Variants in HMGXB3 observed in about 807,000 individuals in gnomAD.
HMGXB3 encodes the protein HMG-box containing 3.
In HMGXB3, 45 loss-of-function variants were observed where a neutral mutation model predicts 121.5. The ratio of observed to expected loss-of-function variants is 0.37; its 90% CI spans 0.29 to 0.47. The LOEUF is 0.47. HMGXB3 is among the 20% of genes least tolerant of loss of function. The probability of loss-of-function intolerance (pLI) is 0.99; values close to 1 mark genes in which losing one functional copy is unlikely to be tolerated. For synonymous variants in HMGXB3, 590 were observed against 624.1 expected, an observed-to-expected ratio of 0.95 and a Z score of 0.81; for missense variants, 1,376 against 1,602.2, an observed-to-expected ratio of 0.86 and a Z score of 2.41.
chr5:150,010,416 C>T lies in HMGXB3; in HGVS notation c.618C>T (p.Thr206=). The change falls in exon 4 of 20, where the codon ACC becomes ACT. Residue 206 remains threonine (T), a synonymous_variant. Transcript: ENST00000502717. The part of the protein sequence containing the change: ...TQSGAVQEIA[T]SEILSQDVLL... ...CAGGTGCTGTACAGGAGATTGCCAC[C>T]TCAGAGATCCTCAGCCAGGATGTGC... 6.4e-7 allele frequency: 1 copy of T among 1,551,670 alleles called. No homozygotes were observed. Among genetic ancestry groups the T allele is most frequent in the South Asian group, 1.2e-5 (1 of 84,058 alleles).
intron 14 of HMGXB3, 29 bp from the exon 15 acceptor site, chr5:150,041,756 C>T: frequency 6.5e-7 from 1 of 1,535,018 alleles, no homozygotes; most frequent in Non-Finnish European, 8.8e-7. Context: ...TTTTCTGTGC[C>T]CTTCTCAGTG....
intron 3 of HMGXB3, among the ~76,000 whole-genome samples, chr5:150,008,843 A>T (rs1313291650): frequency 6.6e-6 from 1 of 152,248 alleles, no homozygotes; most frequent in South Asian, 2.1e-4. Context: ...CCATTTCCCC[A>T]TTACCTCTCC....
At chr5:150,023,864 A>G (rs1756158813) in intron 6 of HMGXB3, among the ~76,000 whole-genome samples, 1 of 152,266 alleles carries the variant, frequency 6.6e-6, no homozygotes, top group Non-Finnish European at 1.5e-5. Context: ...AAGGACCACC[A>G]AGGTGAACAA....
intron 16 of HMGXB3, among the ~76,000 whole-genome samples, chr5:150,046,845 T>A (rs947449861): frequency 1.3e-5 from 2 of 151,168 alleles, no homozygotes; most frequent in Non-Finnish European, 2.9e-5. Flanking sequence ...AAAAAGATAC[T>A]GAGGTCCACC....
Position 150,037,485 on chromosome 5 carries a change from C to A in HMGXB3, c.2371C>A (p.Pro791Thr), listed in dbSNP as rs1431758538. 2 of 1,551,114 alleles carry A rather than the reference C, an allele frequency of 1.3e-6. No individual in the cohort carries two copies. ...VTAQVKMCLNPHCLALHSFID... is the reference protein window; with the variant it reads ...VTAQVKMCLNTHCLALHSFID... ...TGCCCAGGTGAAGATGTGTCTGAAC[C>A]CCCATTGTCTGGCCCTGCACAGCTT... Residue 791 changes from proline (P) to threonine (T), a missense_variant, in exon 13 of 20, where the codon CCC becomes ACC. Around this residue, in one of 2 missense-constraint regions of HMGXB3, gnomAD observed 1,116 missense variants for 1,369.0 expected, o/e 0.82. Transcript: ENST00000502717.
At position 150,029,009 on chromosome 5, in the gene HMGXB3, C is replaced by T. The variant is rs200892947; in HGVS notation, c.1735-1732C>T. The stretch of plus-strand genomic sequence containing the variant: ...TTAGTTGTCATGTCTCTTTAGCTTC[C>T]TTTTAAAAATGAATGCATGGTTGTA... On this transcript the variant is annotated intron_variant, in intron 9 of 19. Coordinates refer to ENST00000502717, the MANE Select transcript of HMGXB3 (RefSeq NM_014983.3). 2.1e-4 allele frequency among the ~76,000 whole-genome samples: 32 copies of T among 152,124 alleles called. No homozygotes were observed. The East Asian group carries it at 6.2e-3, about 29-fold the overall frequency.
intron 5 of HMGXB3, among the ~76,000 whole-genome samples, chr5:150,016,997 A>T (rs1755975467): frequency 6.6e-6 from 1 of 152,226 alleles, no homozygotes; most frequent in African/African-American, 2.4e-5. Context: ...GCAATATTTT[A>T]AAATAGGAAC....
Position 150,026,729 on chromosome 5 carries a change from C to G in HMGXB3, c.1484C>G (p.Ser495Cys), listed in dbSNP as rs1756239619. ...AGAGCTGACCTGCTTACCCCTGGGT[C>G]CAGAGCTCCAGAGCTTAAAGGCAGA... ...PTGADLLTPG[S>C]RAPELKGRAR... The change falls in exon 8 of 20, where the codon TCC (serine) becomes TGC (cysteine). Residue 495 changes from serine (S) to cysteine (C), a missense_variant. By Grantham distance (112) the Ser-to-Cys change is moderately radical. Transcript: ENST00000502717. 3.2e-6 allele frequency: 5 copies of G among 1,551,014 alleles called. No homozygotes were observed. The South Asian group carries it at 4.8e-5, about 15-fold the overall frequency.
rs774077160 is a variant in HMGXB3, at chr5:150,052,072, G to C, written c.3759G>C (p.Gln1253His). 3 of 1,551,932 alleles carry C rather than the reference G, an allele frequency of 1.9e-6. No homozygotes were observed. The South Asian group carries it at 3.6e-5, about 18-fold the overall frequency. Residue 1253 changes from glutamine to histidine, a missense_variant, in exon 20 of 20, where the codon CAG becomes CAC. Gln to His is a conservative substitution (Grantham distance 24). Around this residue, in one of 2 missense-constraint regions of HMGXB3, gnomAD observed 260 missense variants for 233.2 expected, o/e 1.11. Transcript: ENST00000502717. ...ATCGTCAGATCCATGACATTGTACA[G>C]AGCTGCCAGCCTGGTGAGGTGGTCA... ...IVNRQIHDIV[Q>H]SCQPGEVVIR... is the part of the protein sequence containing the mutation.
intron 6 of HMGXB3, among the ~76,000 whole-genome samples, chr5:150,023,855 A>C (rs1014390845): frequency 6.6e-6 from 1 of 152,274 alleles, no homozygotes; most frequent in Non-Finnish European, 1.5e-5. Context: ...ATCTCATAAA[A>C]GGACCACCAA....
At chr5:150,006,135 C>T (rs1230580660) in intron 2 of HMGXB3, among the ~76,000 whole-genome samples, 1 of 152,078 alleles carries the variant, frequency 6.6e-6, no homozygotes, top group Non-Finnish European at 1.5e-5. Context: ...AAGCATTTCT[C>T]CTATACCATG....
chr5:150,037,583 C>T, intron 13 of HMGXB3, 56 bp downstream of exon 13: 1 of 1,425,258 alleles, frequency 7.0e-7, no homozygotes, highest in South Asian at 1.5e-5. Context: ...TGGGAACTGC[C>T]TCTATGGATG....
chr5:150,008,093 ACACAC>A (rs1755749437), intron 3 of HMGXB3, among the ~76,000 whole-genome samples: 1 of 151,722 alleles, frequency 6.6e-6, no homozygotes, highest in East Asian at 1.9e-4. Flanking sequence ...ACACACACAC[ACACAC>A]AAATCAGCAA....
intron 4 of HMGXB3, 49 bp from the exon 5 acceptor site, chr5:150,012,206 C>T: frequency 7.3e-7 from 1 of 1,368,692 alleles, no homozygotes; most frequent in South Asian, 1.2e-5. Flanking sequence ...CCTGGGTGTT[C>T]TTTATTACTC....
intron 15 of HMGXB3, among the ~76,000 whole-genome samples, chr5:150,045,186 T>C (rs1162362402): frequency 6.6e-6 from 1 of 152,196 alleles, no homozygotes; most frequent in Non-Finnish European, 1.5e-5. Context: ...TCCACTTTCT[T>C]TGTAAGACAG....
chr5:150,030,801 A>G lies in HMGXB3; in HGVS notation c.1795A>G (p.Met599Val), dbSNP rs775858327. 3.8e-5 allele frequency: 59 copies of G among 1,552,020 alleles called. No homozygotes were observed. In the Middle Eastern group the frequency reaches 8.3e-4, roughly 22 times the overall value. The change falls in exon 10 of 20, where the codon ATG (methionine) becomes GTG (valine). Residue 599 changes from methionine (M) to valine (V), a missense_variant. Transcript: ENST00000502717. ...GAAAGTTGTGGAGGTCAAGCCCGAT[A>G]TGTTTCCTCCATATAAGTACAGCTG... ...QVKVVEVKPD[M>V]FPPYKYSCTV... is the part of the protein sequence containing the mutation.
chr5:150,016,404 A>G (rs1755962174), intron 5 of HMGXB3, among the ~76,000 whole-genome samples: 2 of 150,912 alleles, frequency 1.3e-5, no homozygotes, highest in African/African-American at 2.4e-5. Context: ...TCTGTTTCTT[A>G]CAGTTCTCTT....
chr5:150,003,278 A>C (rs1459693869), intron 1 of HMGXB3, among the ~76,000 whole-genome samples: 2 of 152,016 alleles, frequency 1.3e-5, no homozygotes, highest in African/African-American at 4.8e-5. Flanking sequence ...CCATCATCAG[A>C]GTTTATTGAA....
At chr5:150,009,060 T>TG (rs201158723) in intron 3 of HMGXB3, among the ~76,000 whole-genome samples, 2,101 of 152,326 alleles carry the variant, frequency 0.014, 21 homozygotes, top group Non-Finnish European at 0.021. Context: ...TCTGTTTAAT[T>TG]TTAGGTCTCA....
Sources: allele counts gnomAD v4.1 joint callset (sites outside exome capture counted in the v4.1 genomes callset), GRCh38; gene constraint gnomAD v4.1.1; regional missense constraint gnomAD v4.1.1; transcripts MANE v1.5; gene names NCBI Gene and HGNC (gene_info 2026-07-23, HGNC 2026-07-21).